Variants in YWHAQ observed in about 807,000 individuals in gnomAD.
The protein encoded by YWHAQ is 14-3-3 protein theta.
In YWHAQ, 6 loss-of-function variants were observed where a neutral mutation model predicts 28.3. The ratio of observed to expected loss-of-function variants is 0.21; its 90% CI spans 0.12 to 0.42. The LOEUF (loss-of-function observed/expected upper bound fraction) is 0.42, where lower values mean the gene tolerates loss of function less well. Ranked by LOEUF, YWHAQ falls within the 10% of genes least tolerant of loss-of-function variation. The probability of loss-of-function intolerance (pLI) is 1.00; values close to 1 mark genes in which losing one functional copy is unlikely to be tolerated. For synonymous variants in YWHAQ, 143 were observed against 119.1 expected, an observed-to-expected ratio of 1.20 and a Z score of -1.31; for missense variants, 201 against 305.6, an observed-to-expected ratio of 0.66 and a Z score of 2.55.
At chr2:9,596,182 A>G (rs1015466620) in intron 2 of YWHAQ, among the ~76,000 whole-genome samples, 17 of 152,170 alleles carry the variant, frequency 1.1e-4, no homozygotes, top group African/African-American at 4.1e-4. Flanking sequence ...ATATTAATGC[A>G]AATTTAGAAC....
chr2:9,617,009 G>A (rs1667052441), intron 2 of YWHAQ, among the ~76,000 whole-genome samples: 1 of 152,154 alleles, frequency 6.6e-6, no homozygotes, highest in African/African-American at 2.4e-5. Flanking sequence ...TGCCCAGGCT[G>A]GAGTGCAGTG....
At chr2:9,588,979 A>G (rs1320798939) in intron 3 of YWHAQ, among the ~76,000 whole-genome samples, 1 of 151,956 alleles carries the variant, frequency 6.6e-6, no homozygotes, top group Admixed American at 6.6e-5. Flanking sequence ...AAAAATAGCT[A>G]GGCATGGTAG....
rs745504240 is a variant in YWHAQ at position 9,630,479 on chromosome 2, G to A, written c.-27C>T. The A allele has an allele frequency of 1.7e-6, 2 of 1,181,514 alleles. No individual in the cohort carries two copies. The highest frequency in any genetic ancestry group is 2.8e-5 in the South Asian group (2 of 71,522). The allele number at this position is 1,181,514 out of a possible 1,614,324, so 73.2% of individuals were successfully genotyped here. A position where few individuals can be genotyped will look rare whatever the true frequency, so the allele number is the denominator to read the frequency against. ...GCGGGCGCGGGGCCGGGGCCGGGGC[G>A]GAGGGCGAGGAGAGCGAGGGCGAGC... On this transcript the variant is annotated 5_prime_UTR_variant, in exon 2 of 6. Transcript: ENST00000238081. The surrounding 1 kb of genome is among the most constrained non-coding windows in gnomAD (Gnocchi z 5.6).
intron 2 of YWHAQ, among the ~76,000 whole-genome samples, chr2:9,628,321 T>C (rs889599951): frequency 1.3e-5 from 2 of 152,230 alleles, no homozygotes; most frequent in African/African-American, 2.4e-5. Context: ...GTTGTCCCCA[T>C]TGAAATGGTC....
intron 2 of YWHAQ, among the ~76,000 whole-genome samples, chr2:9,604,959 T>A (rs780665986): frequency 1.1e-4 from 17 of 152,198 alleles, no homozygotes; most frequent in Non-Finnish European, 1.9e-4. Flanking sequence ...CAAATGAACA[T>A]CAGCCATGGC....
intron 2 of YWHAQ, among the ~76,000 whole-genome samples, chr2:9,602,854 AAAAAAAAAATATATATATATATATAT>A (rs1321706896): frequency 3.6e-3 from 51 of 13,992 alleles, no homozygotes; most frequent in African/African-American, 0.013. Context: ...AAAAAAAAAA[AAAAAAAAAATATATATATATATATAT>A]ATATATATAT....
intron 2 of YWHAQ, among the ~76,000 whole-genome samples, chr2:9,597,377 G>C (rs556695004): frequency 6.6e-6 from 1 of 152,344 alleles, no homozygotes; most frequent in African/African-American, 2.4e-5. Context: ...GGCAGACACA[G>C]TGGCTCACGC....
intron 2 of YWHAQ, among the ~76,000 whole-genome samples, chr2:9,621,908 C>A (rs1304932778): frequency 6.6e-6 from 1 of 152,126 alleles, no homozygotes; most frequent in Non-Finnish European, 1.5e-5. Flanking sequence ...AAGCTGGAAA[C>A]CATCATTCTC....
intron 2 of YWHAQ, among the ~76,000 whole-genome samples, chr2:9,604,931 G>T (rs1449584446): frequency 6.6e-6 from 1 of 152,150 alleles, no homozygotes; most frequent in Non-Finnish European, 1.5e-5. Context: ...CTATCACATA[G>T]TAGGACTCAT....
intron 2 of YWHAQ, among the ~76,000 whole-genome samples, chr2:9,593,993 A>ACACACG (rs1207418743): frequency 6.6e-6 from 1 of 151,066 alleles, no homozygotes; most frequent in Non-Finnish European, 1.5e-5. Flanking sequence ...ACACACACAC[A>ACACACG]CACACACGCA....
At chr2:9,588,719 C>T (rs962113782) in intron 3 of YWHAQ, among the ~76,000 whole-genome samples, 2 of 151,962 alleles carry the variant, frequency 1.3e-5, no homozygotes, top group African/African-American at 4.8e-5. Flanking sequence ...TGCAGTGAGC[C>T]GACATCACAC....
chr2:9,622,198 T>A lies in YWHAQ; in HGVS notation c.294+7961A>T, dbSNP rs953861142. ...TTAAAGTATTAAAAAAAAAAAAAAA[T>A]ACAATTATCCCAGAAGCCTGCCCCT... On this transcript the variant is annotated intron_variant, in intron 2 of 5. Coordinates refer to ENST00000238081, the MANE Select transcript of YWHAQ (RefSeq NM_006826.4). Among the ~76,000 whole-genome samples, 180 of 149,074 alleles carry A rather than the reference T, an allele frequency of 1.2e-3. 1 individual carries two copies. Among genetic ancestry groups the A allele is most frequent in the African/African-American group, 4.2e-3 (167 of 39,724 alleles).
At chr2:9,602,861 A>T (rs1572994327) in intron 2 of YWHAQ, among the ~76,000 whole-genome samples, 2 of 13,202 alleles carry the variant, frequency 1.5e-4, no homozygotes, top group South Asian at 3.0e-3. Flanking sequence ...AAAAAAAAAA[A>T]AATATATATA....
intron 2 of YWHAQ, among the ~76,000 whole-genome samples, chr2:9,596,995 G>A (rs1003814133): frequency 6.6e-6 from 1 of 152,220 alleles, no homozygotes; most frequent in Non-Finnish European, 1.5e-5. Context: ...TCTGTGTTAT[G>A]TGTCAGAATA....
chr2:9,627,911 C>T (rs1204848807), intron 2 of YWHAQ, among the ~76,000 whole-genome samples: 1 of 152,198 alleles, frequency 6.6e-6, no homozygotes, highest in East Asian at 1.9e-4. Flanking sequence ...CCCAAAAAAA[C>T]GGTATCTTTG....
intron 2 of YWHAQ, among the ~76,000 whole-genome samples, chr2:9,601,831 G>A (rs567371047): frequency 9.2e-5 from 14 of 152,156 alleles, no homozygotes; most frequent in African/African-American, 3.1e-4. Flanking sequence ...TGTATTTTTA[G>A]CAGACGGGGT....
intron 2 of YWHAQ, among the ~76,000 whole-genome samples, chr2:9,624,854 T>C (rs1434734779): frequency 6.6e-6 from 1 of 151,908 alleles, no homozygotes; most frequent in Non-Finnish European, 1.5e-5. Flanking sequence ...TGTAGCAATT[T>C]GCCTCAGCCT....
rs141887759 is a variant in YWHAQ, at chr2:9,630,368, C to T, written c.85G>A (p.Val29Met). 1.9e-6 allele frequency: 3 copies of T among 1,614,008 alleles called. No homozygotes were observed. Among genetic ancestry groups the T allele is most frequent in the Non-Finnish European group, 2.5e-6 (3 of 1,180,050 alleles). ...YDDMATCMKA[V>M]TEQGAELSNE... Reference sequence around the variant, plus strand: ...GACAGCTCGGCGCCCTGCTCGGTCACTGCCTTCATGCAGGTGGCCATGTCG... The same window carrying T: ...GACAGCTCGGCGCCCTGCTCGGTCATTGCCTTCATGCAGGTGGCCATGTCG... The change falls in exon 2 of 6, where the codon GTG becomes ATG. Residue 29 changes from valine (V) to methionine (M), a missense_variant. By Grantham distance (21) the Val-to-Met change is conservative. Coordinates refer to ENST00000238081, the MANE Select transcript of YWHAQ (RefSeq NM_006826.4). This position sits in a 1 kb window ranked among gnomAD's most constrained non-coding sequence, Gnocchi z 5.6.
intron 2 of YWHAQ, among the ~76,000 whole-genome samples, chr2:9,602,103 C>T (rs1402000135): frequency 1.3e-5 from 2 of 152,136 alleles, no homozygotes; most frequent in Non-Finnish European, 2.9e-5. Context: ...AATATCCTTT[C>T]CCTCCTCCTC....
Sources: gnomAD v4.1 joint callset for allele counts (sites outside exome capture counted in the v4.1 genomes callset) on GRCh38, gnomAD v4.1.1 for gene constraint, Gnocchi (gnomAD v3.1) non-coding constraint, MANE v1.5 for transcripts, NCBI Gene and HGNC (gene_info 2026-07-23, HGNC 2026-07-21) for gene names.